HCRTR1: variants seen among roughly 807,000 people sequenced by gnomAD.
The protein encoded by HCRTR1 is orexin/Hypocretin receptor type 1.
Under a neutral mutation model 40.6 loss-of-function variants are expected in HCRTR1, and 28 were observed. The observed-to-expected ratio is 0.69, with a 90% CI of 0.51 to 0.95. HCRTR1 has a LOEUF of 0.95. Among genes scored for constraint, HCRTR1 ranks in the 40% least tolerant of loss-of-function variants. HCRTR1 has a pLI of 0.00. For synonymous variants in HCRTR1, 209 were observed against 230.0 expected, an observed-to-expected ratio of 0.91 and a Z score of 0.83; for missense variants, 482 against 564.7, an observed-to-expected ratio of 0.85 and a Z score of 1.48.
Position 31,626,951 on chromosome 1 carries a change from CTCACCAGCG to C in HCRTR1, c.1256_1264del (p.Ser419_Thr421del), listed in dbSNP as rs1639991759. The C allele has an allele frequency of 6.2e-7, 1 of 1,612,974 alleles. No homozygotes were observed. Among genetic ancestry groups the C allele is most frequent in the African/African-American group, 1.3e-5 (1 of 74,936 alleles). The stretch of plus-strand genomic sequence containing the variant: ...CTCCAAAATCTCTGAGCATGTGGTG[CTCACCAGCG>C]TCACCACAGTGCTGCCCTGAGCGAG... On this transcript the variant is annotated inframe_deletion, in exon 9 of 9. Coordinates refer to ENST00000403528, the MANE Select transcript of HCRTR1 (RefSeq NM_001525.3). The surrounding 1 kb of genome is among the most constrained non-coding windows in gnomAD (Gnocchi z 4.6).
rs955018996 is a variant in HCRTR1 at position 31,626,451 on chromosome 1, G to T, written c.1088-339G>T. On this transcript the variant is annotated intron_variant, in intron 8 of 8. Coordinates refer to ENST00000403528, the MANE Select transcript of HCRTR1 (RefSeq NM_001525.3). This position sits in a 1 kb window ranked among gnomAD's most constrained non-coding sequence, Gnocchi z 4.6. ...AAAGGGCAGAGAGGACACAAGCCTCGCAACAGATAGTGACCCCCACGTACA... is the reference window on the plus strand; with the variant it reads ...AAAGGGCAGAGAGGACACAAGCCTCTCAACAGATAGTGACCCCCACGTACA... 6.6e-6 allele frequency among the ~76,000 whole-genome samples: 1 copy of T among 152,178 alleles called. No homozygotes were observed. The highest frequency in any genetic ancestry group is 2.4e-5 in the African/African-American group (1 of 41,436).
In HCRTR1 at chr1:31,619,561, A is replaced by T. The variant is rs762595710; in HGVS notation, c.229A>T (p.Met77Leu). The T allele has an allele frequency of 3.1e-6, 5 of 1,614,072 alleles. No individual in the cohort carries two copies. In the South Asian group the frequency reaches 5.5e-5, roughly 18 times the overall value. Reference sequence around the variant, plus strand: ...CCTGGCCGTGTGGCGGAACCACCACATGAGGACAGTCACCAACTACTTCAT... The same window carrying T: ...CCTGGCCGTGTGGCGGAACCACCACTTGAGGACAGTCACCAACTACTTCAT... ...VCLAVWRNHH[M>L]RTVTNYFIVN... The change falls in exon 4 of 9, where the codon ATG becomes TTG. Residue 77 changes from methionine to leucine, a missense_variant. By Grantham distance (15) the Met-to-Leu change is conservative. Coordinates refer to ENST00000403528, the MANE Select transcript of HCRTR1 (RefSeq NM_001525.3).
chr1:31,632,702 A>G (rs1640144059), downstream of HCRTR1: 1 of 1,558,502 alleles, frequency 6.4e-7, no homozygotes, highest in Admixed American at 1.8e-5. Flanking sequence ...GGTCCCCCTC[A>G]GGACCCATTG....
At position 31,620,978 on chromosome 1, in the gene HCRTR1, T is replaced by A; in HGVS notation, c.514T>A (p.Ser172Thr). The change falls in exon 5 of 9, where the codon TCG becomes ACG. Residue 172 changes from serine (S) to threonine (T), a missense_variant. Transcript: ENST00000403528. Reference sequence around the variant, plus strand: ...CTCCATCCTGGGCATCTGGGCTGTGTCGCTGGCCATCATGGTGCCCCAGGC... The same window carrying A: ...CTCCATCCTGGGCATCTGGGCTGTGACGCTGGCCATCATGGTGCCCCAGGC... ...RGSILGIWAV[S>T]LAIMVPQAAV... 2 of 1,614,024 alleles carry A rather than the reference T, an allele frequency of 1.2e-6. No individual in the cohort carries two copies. The highest frequency in any genetic ancestry group is 1.7e-6 in the Non-Finnish European group (2 of 1,180,012).
At chr1:31,621,302 G>A (rs896734609) in intron 5 of HCRTR1, among the ~76,000 whole-genome samples, 175 bp from the exon 6 acceptor site, 1 of 151,810 alleles carries the variant, frequency 6.6e-6, no homozygotes, top group African/African-American at 2.4e-5. Flanking sequence ...TGTCCTTCCA[G>A]GAGGGACAAC....
Position 31,625,239 on chromosome 1 carries a change from A to T in HCRTR1, c.1087+121A>T. On this transcript the variant is annotated intron_variant, in intron 8 of 8. Transcript: ENST00000403528. The surrounding 1 kb of genome is among the most constrained non-coding windows in gnomAD (Gnocchi z 4.2). ...GGGTGAGGATGTACCTGCTGTGGGC[A>T]CAGTGATCCTGCTCTGGGAGGACCC... The T allele has an allele frequency of 1.6e-6, 2 of 1,229,686 alleles. No homozygotes were observed. Among genetic ancestry groups the T allele is most frequent in the Non-Finnish European group, 2.2e-6 (2 of 907,668 alleles). 76.2% of individuals were successfully genotyped at this position (1,229,686 alleles called of 1,614,324 possible). A position where few individuals can be genotyped will look rare whatever the true frequency, so the allele number is the denominator to read the frequency against.
At chr1:31,619,767 G>T in intron 4 of HCRTR1, 57 bp downstream of exon 4, 3 of 1,495,994 alleles carry the variant, frequency 2.0e-6, no homozygotes, top group Non-Finnish European at 2.7e-6. Flanking sequence ...AAAAACCCAC[G>T]GCCTTGCATA....
chr1:31,622,509 C>A (rs1639877291), intron 6 of HCRTR1, among the ~76,000 whole-genome samples: 1 of 152,094 alleles, frequency 6.6e-6, no homozygotes. Flanking sequence ...CACTCATCAT[C>A]TGCTCCCCAC....
intron 6 of HCRTR1, among the ~76,000 whole-genome samples, chr1:31,622,986 A>G (rs1423962639): frequency 6.6e-6 from 1 of 152,140 alleles, no homozygotes; most frequent in Non-Finnish European, 1.5e-5. Flanking sequence ...GACCAATAAT[A>G]TCTTTCCACA....
chr1:31,623,433 C>T (rs1246935298), intron 6 of HCRTR1, 90 bp from the exon 7 acceptor site: 22 of 1,082,518 alleles, frequency 2.0e-5, no homozygotes, highest in South Asian at 2.0e-4. Flanking sequence ...CCACCCTGCC[C>T]GGGGTCCAGC....
chr1:31,627,141 G>A lies in HCRTR1; in HGVS notation c.*161G>A, dbSNP rs1252534131. The A allele has an allele frequency of 1.4e-6, 2 of 1,415,204 alleles. No individual in the cohort carries two copies. The highest frequency in any genetic ancestry group is 4.9e-5 in the East Asian group (2 of 40,434). 87.7% of individuals were successfully genotyped at this position (1,415,204 alleles called of 1,614,324 possible). ...GTCTGAGCTTGTGTCCCCTAAGCAG[G>A]GTTGATGTGAGGATTAAGCATGCTG... On this transcript the variant is annotated 3_prime_UTR_variant, in exon 9 of 9. Coordinates refer to ENST00000403528, the MANE Select transcript of HCRTR1 (RefSeq NM_001525.3).
At chr1:31,633,128 G>A (rs1341294682), downstream of HCRTR1, 11 of 1,598,466 alleles carry the variant, frequency 6.9e-6, no homozygotes, top group Non-Finnish European at 8.5e-6. Flanking sequence ...CTCTGCCCCA[G>A]CTCAGGCCCA....
Position 31,619,629 on chromosome 1 carries a change from C to T in HCRTR1, c.297C>T (p.Cys99=). Residue 99 remains cysteine (C), a synonymous_variant, in exon 4 of 9, where the codon TGC becomes TGT. Coordinates refer to ENST00000403528, the MANE Select transcript of HCRTR1 (RefSeq NM_001525.3). ...CTGACGTTCTGGTGACTGCTATCTGCCTGCCGGCCAGCCTGCTGGTGGACA... is the reference window on the plus strand; with the variant it reads ...CTGACGTTCTGGTGACTGCTATCTGTCTGCCGGCCAGCCTGCTGGTGGACA... ...SLADVLVTAI[C]LPASLLVDIT... 1 of 1,614,044 alleles carries T rather than the reference C, an allele frequency of 6.2e-7. No homozygotes were observed. Among genetic ancestry groups the T allele is most frequent in the Non-Finnish European group, 8.5e-7 (1 of 1,179,964 alleles).
chr1:31,634,257 T>C (rs1353297336), downstream of HCRTR1, among the ~76,000 whole-genome samples: 1 of 152,198 alleles, frequency 6.6e-6, no homozygotes, highest in African/African-American at 2.4e-5. Context: ...GCAGGAGAGA[T>C]TCTGTGACAT....
chr1:31,620,610 T>C (rs1039206182), intron 4 of HCRTR1, among the ~76,000 whole-genome samples: 4 of 152,218 alleles, frequency 2.6e-5, no homozygotes, highest in African/African-American at 9.7e-5. Context: ...AGCTGGACAT[T>C]GTTTGTACAT....
At chr1:31,633,266 G>A (rs1400913518), downstream of HCRTR1, 26 of 1,613,836 alleles carry the variant, frequency 1.6e-5, no homozygotes, top group Non-Finnish European at 2.1e-5. Context: ...TGAGTCCACC[G>A]ACTGGAACCA....
At chr1:31,621,235 C>A (rs2148609190) in intron 5 of HCRTR1, 149 bp downstream of exon 5, 1 of 1,148,940 alleles carries the variant, frequency 8.7e-7, no homozygotes, top group Non-Finnish European at 1.2e-6. Flanking sequence ...TGGCTCCTAC[C>A]AGGGATACTC....
At position 31,625,133 on chromosome 1, in the gene HCRTR1, G is replaced by A. The variant is rs1327275126; in HGVS notation, c.1087+15G>A. The A allele has an allele frequency of 6.3e-7, 1 of 1,591,052 alleles. No individual in the cohort carries two copies. The highest frequency in any genetic ancestry group is 2.3e-5 in the East Asian group (1 of 43,896). ...CTTCCTCAGTGGTGAGCAGGCTGGG[G>A]ATGCAAAATGACTGAGGGTGGCCAA... On this transcript the variant is annotated intron_variant, in intron 8 of 8. Coordinates refer to ENST00000403528, the MANE Select transcript of HCRTR1 (RefSeq NM_001525.3). The surrounding 1 kb of genome is among the most constrained non-coding windows in gnomAD (Gnocchi z 4.2).
Position 31,621,089 on chromosome 1 carries a change from A to G in HCRTR1, c.622+3A>G, listed in dbSNP as rs373065780. ...AGTCTGTGATGAACGCTGGGCAGGT[A>G]ATGGTGGAAGCCTCAAGCAGGCATC... On this transcript the variant is annotated splice_donor_region_variant and intron_variant, in intron 5 of 8. Transcript: ENST00000403528. The G allele has an allele frequency of 6.2e-7, 1 of 1,600,020 alleles. No individual in the cohort carries two copies. The highest frequency in any genetic ancestry group is 1.3e-5 in the African/African-American group (1 of 74,876).
Sources: allele counts gnomAD v4.1 joint callset (sites outside exome capture counted in the v4.1 genomes callset), GRCh38; gene constraint gnomAD v4.1.1; non-coding constraint Gnocchi (gnomAD v3.1); transcripts MANE v1.5; gene names NCBI Gene and HGNC (gene_info 2026-07-23, HGNC 2026-07-21).